SPINK13: variants seen among roughly 807,000 people sequenced by gnomAD.
The protein encoded by SPINK13 is serine protease inhibitor Kazal-type 13.
A neutral mutation model predicts 11.0 loss-of-function variants in SPINK13; 11 were observed. The ratio of observed to expected loss-of-function variants is 1.00; its 90% CI spans 0.63 to 1.65. SPINK13 has a LOEUF of 1.65. Among genes scored for constraint, SPINK13 ranks in the 40% most tolerant of loss-of-function variants. The pLI is 0.00. For missense variants in SPINK13, 113 were observed against 117.7 expected, an observed-to-expected ratio of 0.96 and a Z score of 0.19; for synonymous variants, 31 against 35.6, an observed-to-expected ratio of 0.87 and a Z score of 0.46.
intron 2 of SPINK13, among the ~76,000 whole-genome samples, chr5:148,271,348 A>T (rs948522052): frequency 6.6e-6 from 1 of 152,204 alleles, no homozygotes; most frequent in Non-Finnish European, 1.5e-5. Flanking sequence ...TGAATATATC[A>T]TTCTTGCAAA....
At chr5:148,281,954 C>A in intron 3 of SPINK13, 150 bp from the exon 4 acceptor site, 3 of 1,106,496 alleles carry the variant, frequency 2.7e-6, no homozygotes, top group Non-Finnish European at 3.8e-6. Context: ...AGAAACTGGC[C>A]TGACAGAAGG....
At chr5:148,282,641 G>C (rs1756536124) in intron 4 of SPINK13, among the ~76,000 whole-genome samples, 1 of 152,168 alleles carries the variant, frequency 6.6e-6, no homozygotes, top group African/African-American at 2.4e-5. Flanking sequence ...AAAAGATGCA[G>C]ATGCAGCTAT....
At position 148,276,975 on chromosome 5, in the gene SPINK13, T is replaced by G. The variant is rs1172448740; in HGVS notation, c.108+2591T>G. Among the ~76,000 whole-genome samples, 16 of 152,352 alleles carry G rather than the reference T, an allele frequency of 1.1e-4. 1 individual carries two copies. In the South Asian group the frequency reaches 3.3e-3, roughly 32 times the overall value. ...CTTGAACAGTGGTTTGTAGTTCTCC[T>G]TGAAGAGGTCCTTCACATCCCTTGT... On this transcript the variant is annotated intron_variant, in intron 3 of 4. Transcript: ENST00000398450.
chr5:148,285,961 C>T, intron 4 of SPINK13, 39 bp from the exon 5 acceptor site: 3 of 1,245,060 alleles, frequency 2.4e-6, no homozygotes, highest in Non-Finnish European at 3.4e-6. Context: ...TGTTCACTTT[C>T]CTTATGATAC....
intron 3 of SPINK13, 34 bp from the exon 4 acceptor site, chr5:148,282,070 T>C: frequency 6.2e-7 from 1 of 1,610,920 alleles, no homozygotes; most frequent in Non-Finnish European, 8.5e-7. Flanking sequence ...AGAGAGTGTA[T>C]TATTTGTCAC....
chr5:148,277,914 T>C (rs1756455846), intron 3 of SPINK13, among the ~76,000 whole-genome samples: 1 of 152,246 alleles, frequency 6.6e-6, no homozygotes, highest in Non-Finnish European at 1.5e-5. Context: ...GGGCTTTTTT[T>C]GGTTGGTAGG....
chr5:148,284,624 G>A (rs934019710), intron 4 of SPINK13, among the ~76,000 whole-genome samples: 4 of 152,030 alleles, frequency 2.6e-5, no homozygotes, highest in Non-Finnish European at 4.4e-5. Flanking sequence ...TCTATATCTC[G>A]GGGCAAGAAG....
chr5:148,277,563 C>A (rs1056848838), intron 3 of SPINK13, among the ~76,000 whole-genome samples: 1 of 152,080 alleles, frequency 6.6e-6, no homozygotes, highest in African/African-American at 2.4e-5. Flanking sequence ...GTTCTGTTTA[C>A]GTGATGGATT....
chr5:148,275,537 C>T (rs1756412407), intron 3 of SPINK13, among the ~76,000 whole-genome samples: 1 of 152,304 alleles, frequency 6.6e-6, no homozygotes, highest in South Asian at 2.1e-4. Flanking sequence ...ATTTCTAGTT[C>T]TAGATCCTTG....
At chr5:148,280,743 C>G (rs1454670900) in intron 3 of SPINK13, among the ~76,000 whole-genome samples, 3 of 152,218 alleles carry the variant, frequency 2.0e-5, no homozygotes, top group Admixed American at 6.5e-5. Context: ...GCATCTCCCC[C>G]TCAGGAGGCA....
intron 4 of SPINK13, among the ~76,000 whole-genome samples, chr5:148,284,435 G>T (rs1756562528): frequency 6.6e-6 from 1 of 152,052 alleles, no homozygotes. Context: ...AGCCCTGCTG[G>T]TTAAAATAGT....
chr5:148,270,210 T>C, intron 2 of SPINK13, 68 bp downstream of exon 2: 1 of 1,523,152 alleles, frequency 6.6e-7, no homozygotes, highest in Non-Finnish European at 9.0e-7. Context: ...AGAAAACGAG[T>C]AATTTTTTAC....
chr5:148,274,140 T>C (rs1184983001), intron 2 of SPINK13, among the ~76,000 whole-genome samples: 3 of 152,202 alleles, frequency 2.0e-5, no homozygotes, highest in Non-Finnish European at 4.4e-5. Flanking sequence ...AGCAAATTTA[T>C]AAATAAAATC....
At chr5:148,274,771 G>A (rs953799013) in intron 3 of SPINK13, among the ~76,000 whole-genome samples, 6 of 151,968 alleles carry the variant, frequency 3.9e-5, no homozygotes, top group Admixed American at 3.9e-4. Context: ...TCTTCATGGA[G>A]GTAAAGCAGA....
chr5:148,278,411 C>T (rs1756463580), intron 3 of SPINK13, among the ~76,000 whole-genome samples: 1 of 152,208 alleles, frequency 6.6e-6, no homozygotes, highest in Non-Finnish European at 1.5e-5. Context: ...GCATTTAGTG[C>T]TATAAATTTC....
At chr5:148,277,639 G>C (rs766780347) in intron 3 of SPINK13, among the ~76,000 whole-genome samples, 1 of 152,198 alleles carries the variant, frequency 6.6e-6, no homozygotes, top group Non-Finnish European at 1.5e-5. Context: ...CTTGATCATG[G>C]TGGATAAGCT....
intron 3 of SPINK13, among the ~76,000 whole-genome samples, chr5:148,277,223 CAG>C (rs1756443996): frequency 6.6e-6 from 1 of 152,196 alleles, no homozygotes; most frequent in South Asian, 2.1e-4. Context: ...CATCTGCAAA[CAG>C]AGATAATTTG....
In SPINK13 at chr5:148,283,923, G is replaced by T. The variant is rs1334824204; in HGVS notation, c.236+1692G>T. ...AGACACACAATGTGGGCCGTGATCT[G>T]CCGGACTATTACTTCACAACTTCCC... On this transcript the variant is annotated intron_variant, in intron 4 of 4. Coordinates refer to ENST00000398450, the MANE Select transcript of SPINK13 (RefSeq NM_001040129.3). Among the ~76,000 whole-genome samples the T allele has an allele frequency of 2.6e-5, 4 of 152,146 alleles. No individual in the cohort carries two copies. In the East Asian group the frequency reaches 7.7e-4, roughly 29 times the overall value.
intron 4 of SPINK13, among the ~76,000 whole-genome samples, chr5:148,284,570 T>C (rs1243420653): frequency 6.6e-6 from 1 of 152,224 alleles, no homozygotes; most frequent in Non-Finnish European, 1.5e-5. Context: ...ATTTGCTTAA[T>C]TCTCCATATG....
Sources: gnomAD v4.1 joint callset for allele counts (sites outside exome capture counted in the v4.1 genomes callset) on GRCh38, gnomAD v4.1.1 for gene constraint, MANE v1.5 for transcripts, NCBI Gene and HGNC (gene_info 2026-07-23, HGNC 2026-07-21) for gene names.